Variants in PLD3 observed in about 807,000 individuals in gnomAD.
PLD3 encodes 5'-3' exonuclease PLD3.
PLD3 carries 31 observed loss-of-function variants against 58.4 expected under a neutral mutation model. That is an observed-to-expected ratio of 0.53 (90% CI 0.40 to 0.72). PLD3 has a LOEUF of 0.72. PLD3 is among the 30% of genes least tolerant of loss of function. PLD3 has a pLI of 0.00. For synonymous variants in PLD3, 264 were observed against 273.4 expected, an observed-to-expected ratio of 0.97 and a Z score of 0.34; for missense variants, 595 against 659.8, an observed-to-expected ratio of 0.90 and a Z score of 1.08.
intron 1 of PLD3, among the ~76,000 whole-genome samples, chr19:40,363,783 G>T (rs2078846013): frequency 6.6e-6 from 1 of 152,048 alleles, no homozygotes; most frequent in East Asian, 1.9e-4. Context: ...GAAAAGAGGG[G>T]ATCTAGCATG....
intron 1 of PLD3, chr19:40,355,881 C>G (rs1213675996): frequency 6.6e-6 from 1 of 152,198 alleles, no homozygotes. Flanking sequence ...CAGCTAATCA[C>G]AGCACTGATT....
Position 40,366,490 on chromosome 19 carries a change from C to A in PLD3, c.7C>A (p.Pro3Thr). 1 of 1,613,784 alleles carries A rather than the reference C, an allele frequency of 6.2e-7. No individual in the cohort carries two copies. Reference sequence around the variant, plus strand: ...CCCCCAGCCTTGAGGGAAGATGAAGCCTAAACTGATGTACCAGGAGGTAGG... The same window carrying A: ...CCCCCAGCCTTGAGGGAAGATGAAGACTAAACTGATGTACCAGGAGGTAGG... MK[P>T]KLMYQELKVP... Residue 3 changes from proline to threonine, a missense_variant, in exon 3 of 13, where the codon CCT (proline) becomes ACT (threonine). Pro to Thr is a conservative substitution (Grantham distance 38, BLOSUM62 -1). Transcript: ENST00000409735.
chr19:40,367,935 G>A, intron 6 of PLD3, 56 bp downstream of exon 6: 7 of 1,428,492 alleles, frequency 4.9e-6, no homozygotes, highest in Non-Finnish European at 6.6e-6. Context: ...GAGGCAGCGG[G>A]GGCTGTGGGG....
intron 11 of PLD3, 105 bp from the exon 12 acceptor site, chr19:40,377,681 C>G (rs565245203): frequency 7.9e-4 from 613 of 780,866 alleles, no homozygotes; most frequent in Non-Finnish European, 1.2e-3. Context: ...CTGTGGGAAG[C>G]AGTGGAGTCC....
chr19:40,364,673 G>A (rs2078871138), intron 1 of PLD3, among the ~76,000 whole-genome samples: 1 of 151,866 alleles, frequency 6.6e-6, no homozygotes, highest in African/African-American at 2.4e-5. Flanking sequence ...GCGGGCGCCT[G>A]TAGTCCCAGC....
At position 40,377,833 on chromosome 19, in the gene PLD3, T is replaced by A; in HGVS notation, c.1233T>A (p.Tyr411Ter). 1 of 1,614,004 alleles carries A rather than the reference T, an allele frequency of 6.2e-7. No homozygotes were observed. The highest frequency in any genetic ancestry group is 8.5e-7 in the Non-Finnish European group (1 of 1,179,920). ...ATGAGGCCCAGGCTCGAATCCCATA[T>A]GCCCGTGTCAACCACAACAAGTACA... ...PADEAQARIP[Y>*]ARVNHNKYMV... The change falls in exon 12 of 13, where the codon TAT (tyrosine) becomes TAA (stop). Residue 411 changes from tyrosine (Y) to a stop codon, truncating the protein, a stop_gained. Transcript: ENST00000409735. LOFTEE classifies it high-confidence loss of function.
At chr19:40,361,351 T>A (rs2078778154) in intron 1 of PLD3, among the ~76,000 whole-genome samples, 1 of 152,120 alleles carries the variant, frequency 6.6e-6, no homozygotes, top group African/African-American at 2.4e-5. Flanking sequence ...CCTCAGGTGA[T>A]CCGCCCACCT....
In PLD3 at chr19:40,376,655, C is replaced by T. The variant is rs746300476; in HGVS notation, c.1066C>T (p.Arg356Cys). The T allele has an allele frequency of 6.2e-6, 10 of 1,607,434 alleles. No individual in the cohort carries two copies. Among genetic ancestry groups the T allele is most frequent in the Non-Finnish European group, 8.5e-6 (10 of 1,179,968 alleles). The change falls in exon 11 of 13, where the codon CGT becomes TGT. Residue 356 changes from arginine to cysteine, a missense_variant. By Grantham distance (180) the Arg-to-Cys change is radical (BLOSUM62 -3). Coordinates refer to ENST00000409735, the MANE Select transcript of PLD3 (RefSeq NM_012268.4). ...TGGGCTGCGGCGGGCCACCTACGAGCGTGGCGTCAAGGTGCGCCTGCTCAT... is the reference window on the plus strand; with the variant it reads ...TGGGCTGCGGCGGGCCACCTACGAGTGTGGCGTCAAGGTGCGCCTGCTCAT... Reference protein sequence around the residue: ...DDGLRRATYERGVKVRLLISC... With the variant: ...DDGLRRATYECGVKVRLLISC...
chr19:40,374,980 A>C (rs2079158367), intron 10 of PLD3, among the ~76,000 whole-genome samples: 1 of 150,898 alleles, frequency 6.6e-6, no homozygotes, highest in Non-Finnish European at 1.5e-5. Flanking sequence ...ACATGGTGAA[A>C]TCCCATCTCT....
At chr19:40,377,712 C>A in intron 11 of PLD3, 74 bp from the exon 12 acceptor site, 1 of 1,066,630 alleles carries the variant, frequency 9.4e-7, no homozygotes, top group Non-Finnish European at 1.4e-6. Flanking sequence ...GCTCCACACT[C>A]TGCTCCCTGA....
At chr19:40,376,867 GC>G in intron 11 of PLD3, 93 bp downstream of exon 11, 1 of 1,218,980 alleles carries the variant, frequency 8.2e-7, no homozygotes, top group Non-Finnish European at 1.1e-6. Context: ...GACAAGGGCA[GC>G]CCAGAGTGAG....
In PLD3 at chr19:40,378,034, C is replaced by T. The variant is rs1568688639; in HGVS notation, c.1334C>T (p.Ser445Leu). The change falls in exon 13 of 13, where the codon TCG (serine) becomes TTG (leucine). Residue 445 changes from serine (S) to leucine (L), a missense_variant. Transcript: ENST00000409735. The stretch of plus-strand genomic sequence containing the variant: ...TACTTCACGGAGACGGCGGGCACCT[C>T]GCTGCTGGTGACGCAGAATGGGAGG... ...GNYFTETAGT[S>L]LLVTQNGRGG... is the part of the protein sequence containing the mutation. 6.2e-7 allele frequency: 1 copy of T among 1,613,588 alleles called. No individual in the cohort carries two copies. The highest frequency in any genetic ancestry group is 8.5e-7 in the Non-Finnish European group (1 of 1,179,734).
chr19:40,366,139 A>T, intron 2 of PLD3: 1 of 397,300 alleles, frequency 2.5e-6, no homozygotes, highest in Non-Finnish European at 4.6e-6. Flanking sequence ...GGGTGTCTAC[A>T]GGTTGGAGGA....
At chr19:40,368,788 TGTG>T (rs1417473294) in intron 6 of PLD3, among the ~76,000 whole-genome samples, 6 of 151,712 alleles carry the variant, frequency 4.0e-5, no homozygotes, top group Non-Finnish European at 8.8e-5. Context: ...AGGAGGGTGT[TGTG>T]GTGCATGCCT....
At chr19:40,377,964 T>G in intron 12 of PLD3, 22 bp from the exon 13 acceptor site, 1 of 1,612,616 alleles carries the variant, frequency 6.2e-7, no homozygotes, top group Non-Finnish European at 8.5e-7. Context: ...GGTGCCCTTA[T>G]GCTCCACCCA....
chr19:40,376,094 G>T (rs538633121), intron 10 of PLD3, among the ~76,000 whole-genome samples: 1 of 152,156 alleles, frequency 6.6e-6, no homozygotes, highest in African/African-American at 2.4e-5. Flanking sequence ...AGTGGCTCAC[G>T]CCTGTAATCC....
chr19:40,359,042 C>G (rs2078718082), intron 1 of PLD3: 1 of 152,406 alleles, frequency 6.6e-6, no homozygotes, highest in African/African-American at 2.4e-5. Context: ...GACCTGATCT[C>G]TTTTTTGTTT....
chr19:40,366,190 A>T lies in PLD3; in HGVS notation c.-65-229A>T, dbSNP rs534662955. 7 of 508,954 alleles carry T rather than the reference A, an allele frequency of 1.4e-5. No homozygotes were observed. The East Asian group carries it at 1.5e-4, about 11-fold the overall frequency. 31.5% of individuals were successfully genotyped at this position (508,954 alleles called of 1,614,324 possible). ...CTAGAGGGGAGCTGCGTGGGTGCTG[A>T]TGGGGGCAGGGTGGGCACTGCAGAG... On this transcript the variant is annotated intron_variant, in intron 2 of 12. Coordinates refer to ENST00000409735, the MANE Select transcript of PLD3 (RefSeq NM_012268.4).
chr19:40,374,410 G>C lies in PLD3; in HGVS notation c.880-71G>C, dbSNP rs544059755. 4 of 1,553,952 alleles carry C rather than the reference G, an allele frequency of 2.6e-6. No individual in the cohort carries two copies. The South Asian group carries it at 4.6e-5, about 18-fold the overall frequency. On this transcript the variant is annotated intron_variant, in intron 9 of 12. Transcript: ENST00000409735. Reference sequence around the variant, plus strand: ...CACAGTACCTGGCTTGTGGTGAGCTGTCCGTATGTGGGGTCCGTTGTGACG... The same window carrying C: ...CACAGTACCTGGCTTGTGGTGAGCTCTCCGTATGTGGGGTCCGTTGTGACG...
Sources: gnomAD v4.1 joint callset for allele counts (sites outside exome capture counted in the v4.1 genomes callset) on GRCh38, gnomAD v4.1.1 for gene constraint, MANE v1.5 for transcripts, NCBI Gene and HGNC (gene_info 2026-07-23, HGNC 2026-07-21) for gene names.